Variants in KIF26B observed in about 807,000 individuals in gnomAD.
KIF26B encodes the protein kinesin family member 26B.
KIF26B carries 63 observed loss-of-function variants against 151.2 expected under a neutral mutation model. The ratio of observed to expected loss-of-function variants is 0.42; its 90% confidence interval spans 0.34 to 0.51. KIF26B has a LOEUF of 0.51. KIF26B is among the 20% of genes least tolerant of loss of function. The probability of loss-of-function intolerance (pLI) is 0.07; values close to 1 mark genes in which losing one functional copy is unlikely to be tolerated. For missense variants in KIF26B, 2,813 were observed against 2,913.6 expected, an observed-to-expected ratio of 0.97 and a Z score of 0.79; for synonymous variants, 1,357 against 1,262.1, an observed-to-expected ratio of 1.08 and a Z score of -1.59.
chr1:245,569,631 A>G (rs1460903184), intron 5 of KIF26B, among the ~76,000 whole-genome samples: 1 of 151,732 alleles, frequency 6.6e-6, no homozygotes, highest in Non-Finnish European at 1.5e-5. Flanking sequence ...ACAAACAAAC[A>G]AAAAACAAAA....
chr1:245,210,484 C>T (rs1669495023), intron 2 of KIF26B, among the ~76,000 whole-genome samples: 1 of 140,682 alleles, frequency 7.1e-6, no homozygotes, highest in South Asian at 2.3e-4. Flanking sequence ...AGTTTTTGAA[C>T]TGTCTGGAAC....
intron 2 of KIF26B, among the ~76,000 whole-genome samples, chr1:245,163,518 G>A (rs1368373731): frequency 6.6e-6 from 1 of 152,000 alleles, no homozygotes; most frequent in Non-Finnish European, 1.5e-5. Flanking sequence ...CTCAAATAGT[G>A]CCTTTCTTTT....
chr1:245,701,818 T>TCCTC (rs1390873725), intron 14 of KIF26B, among the ~76,000 whole-genome samples: 1 of 152,110 alleles, frequency 6.6e-6, no homozygotes, highest in African/African-American at 2.4e-5. Flanking sequence ...TCCACGCCTC[T>TCCTC]CCTCCTCGTA....
At chr1:245,355,552 C>T (rs546802478) in intron 2 of KIF26B, among the ~76,000 whole-genome samples, 8 of 147,628 alleles carry the variant, frequency 5.4e-5, no homozygotes, top group East Asian at 4.0e-4. Context: ...GCTGTGATCA[C>T]GCCACTGCAT....
chr1:245,526,394 A>T (rs977584083), intron 4 of KIF26B, among the ~76,000 whole-genome samples: 3 of 152,226 alleles, frequency 2.0e-5, no homozygotes, highest in African/African-American at 7.2e-5. Flanking sequence ...GCTTTTCAGC[A>T]GAGTCAAGGG....
At chr1:245,673,151 C>T (rs1440493912) in intron 10 of KIF26B, among the ~76,000 whole-genome samples, 3 of 97,386 alleles carry the variant, frequency 3.1e-5, no homozygotes, top group African/African-American at 1.0e-4. Context: ...CCCCGCTGCG[C>T]GCTGCCATAT....
chr1:245,415,300 T>C (rs1674390256), intron 3 of KIF26B, among the ~76,000 whole-genome samples: 1 of 152,172 alleles, frequency 6.6e-6, no homozygotes, highest in Non-Finnish European at 1.5e-5. Context: ...GCTTCTTTCA[T>C]AGCCAGATCT....
At chr1:245,496,624 A>T (rs934856067) in intron 4 of KIF26B, among the ~76,000 whole-genome samples, 5 of 152,200 alleles carry the variant, frequency 3.3e-5, no homozygotes, top group African/African-American at 1.2e-4. Context: ...AAGAAAGAAG[A>T]GGAAAGAGAA....
intron 3 of KIF26B, among the ~76,000 whole-genome samples, chr1:245,378,726 C>T (rs1364851097): frequency 6.6e-6 from 1 of 152,194 alleles, no homozygotes; most frequent in Non-Finnish European, 1.5e-5. Flanking sequence ...GGCTGATACT[C>T]ATCAATGATT....
At position 245,685,709 on chromosome 1, in the gene KIF26B, G is replaced by A; in HGVS notation, c.2726G>A (p.Gly909Glu). 1.2e-6 allele frequency: 2 copies of A among 1,611,864 alleles called. No individual in the cohort carries two copies. The highest frequency in any genetic ancestry group is 1.7e-6 in the Non-Finnish European group (2 of 1,179,214). Residue 909 changes from glycine (G) to glutamate (E), a missense_variant, in exon 12 of 15, where the codon GGA (glycine) becomes GAA (glutamate). This residue lies in a region of KIF26B where 2,060 missense variants were observed against 2,088.6 expected (regional missense o/e 0.99). Transcript: ENST00000407071. Reference sequence around the variant, plus strand: ...GGCGACAGCCGGCCCGCAGAGGCAGGAGAGGCTGCAGCCGGCAAGTCAGAA... The same window carrying A: ...GGCGACAGCCGGCCCGCAGAGGCAGAAGAGGCTGCAGCCGGCAAGTCAGAA... ...TRGDSRPAEA[G>E]EAAAGKSERD...
chr1:245,385,726 G>C (rs568665905), intron 3 of KIF26B, among the ~76,000 whole-genome samples: 3 of 152,310 alleles, frequency 2.0e-5, no homozygotes, highest in African/African-American at 7.2e-5. Context: ...TTGGTAGTTA[G>C]GCGACGTGAA....
At chr1:245,378,755 A>G (rs704651) in intron 3 of KIF26B, among the ~76,000 whole-genome samples, 3,970 of 152,234 alleles carry the variant, frequency 0.026, 191 homozygotes, top group African/African-American at 0.091. Context: ...ATCTCACACA[A>G]TGAGAGGTTG....
intron 4 of KIF26B, among the ~76,000 whole-genome samples, chr1:245,524,545 A>G (rs940328766): frequency 6.6e-6 from 1 of 152,224 alleles, no homozygotes; most frequent in Non-Finnish European, 1.5e-5. Context: ...TAGGTATTCA[A>G]TCAATGTTTA....
intron 2 of KIF26B, among the ~76,000 whole-genome samples, chr1:245,308,485 G>A (rs915256192): frequency 1.3e-5 from 2 of 152,192 alleles, no homozygotes; most frequent in African/African-American, 2.4e-5. Flanking sequence ...TACCTGCCTT[G>A]CTCTAAAATA....
chr1:245,241,729 T>C lies in KIF26B; in HGVS notation c.465+85046T>C, dbSNP rs1414099643. Among the ~76,000 whole-genome samples the C allele has an allele frequency of 2.0e-5, 3 of 152,226 alleles. No individual in the cohort carries two copies. Among genetic ancestry groups the C allele is most frequent in the Non-Finnish European group, 4.4e-5 (3 of 68,032 alleles). On this transcript the variant is annotated intron_variant, in intron 2 of 14. Transcript: ENST00000407071. This position sits in a 1 kb window ranked among gnomAD's most constrained non-coding sequence, Gnocchi z 5.0. Reference sequence around the variant, plus strand: ...AGGGCCCATGGCAGCCCCAGCTGGCTGCCCGCTCCCTCCTGTGGGCAGTGC... The same window carrying C: ...AGGGCCCATGGCAGCCCCAGCTGGCCGCCCGCTCCCTCCTGTGGGCAGTGC...
intron 2 of KIF26B, among the ~76,000 whole-genome samples, chr1:245,184,070 G>T (rs201409168): frequency 3.6e-3 from 26 of 7,154 alleles, no homozygotes; most frequent in African/African-American, 7.5e-3. Context: ...TTTTTTTTTT[G>T]AGCTTTCTTA....
chr1:245,551,035 G>A (rs1661868942), intron 5 of KIF26B, among the ~76,000 whole-genome samples: 1 of 152,090 alleles, frequency 6.6e-6, no homozygotes, highest in Admixed American at 6.5e-5. Flanking sequence ...CATTTGATTT[G>A]CTCCTTGTTT....
At chr1:245,661,266 G>C (rs2044134433) in intron 10 of KIF26B, among the ~76,000 whole-genome samples, 1 of 152,094 alleles carries the variant, frequency 6.6e-6, no homozygotes, top group South Asian at 2.1e-4. Flanking sequence ...GGAATTACAG[G>C]TGTGAGCCAC....
At chr1:245,644,547 T>C (rs184455124) in intron 9 of KIF26B, among the ~76,000 whole-genome samples, 7 of 152,344 alleles carry the variant, frequency 4.6e-5, no homozygotes, top group African/African-American at 1.7e-4. Context: ...TAGAATGCAG[T>C]TGCATTACTT....
Sources: gnomAD v4.1 joint callset for allele counts (sites outside exome capture counted in the v4.1 genomes callset) on GRCh38, gnomAD v4.1.1 for gene constraint, gnomAD v4.1.1 regional missense constraint, Gnocchi (gnomAD v3.1) non-coding constraint, MANE v1.5 for transcripts, NCBI Gene and HGNC (gene_info 2026-07-23, HGNC 2026-07-21) for gene names.